Variants in RTCB observed in about 807,000 individuals in gnomAD.
RTCB encodes the protein RNA-splicing ligase RTCB.
Under a neutral mutation model 58.2 loss-of-function variants are expected in RTCB, and 32 were observed. That is an observed-to-expected ratio of 0.55 (90% CI 0.41 to 0.74). The LOEUF (loss-of-function observed/expected upper bound fraction) is 0.74, where lower values mean the gene tolerates loss of function less well. Among genes scored for constraint, RTCB ranks in the 30% least tolerant of loss-of-function variants. The pLI, the probability that RTCB is intolerant of heterozygous loss-of-function variation, is 0.00. For synonymous variants in RTCB, 247 were observed against 218.6 expected, an observed-to-expected ratio of 1.13 and a Z score of -1.15; for missense variants, 523 against 639.0, an observed-to-expected ratio of 0.82 and a Z score of 1.96.
intron 10 of RTCB, 29 bp from the exon 11 acceptor site, chr22:32,392,388 T>C (rs1362202996): frequency 1.2e-6 from 2 of 1,613,210 alleles, no homozygotes. Flanking sequence ...GAACTTTACT[T>C]TAAACCCTAA....
At chr22:32,392,516 T>C in intron 10 of RTCB, 157 bp from the exon 11 acceptor site, 2 of 979,210 alleles carry the variant, frequency 2.0e-6, no homozygotes, top group Admixed American at 2.0e-5. Context: ...CTTTTAGATT[T>C]TGGACCGGAG....
At chr22:32,400,158 C>T (rs763285884) in intron 5 of RTCB, among the ~76,000 whole-genome samples, 2 of 152,188 alleles carry the variant, frequency 1.3e-5, no homozygotes, top group East Asian at 1.9e-4. Context: ...CACTCTCTAA[C>T]GACTAATTCA....
rs772937813 is a variant in RTCB at position 32,396,122 on chromosome 22, C to G, written c.942G>C (p.Gly314=). The G allele has an allele frequency of 1.2e-6, 2 of 1,614,116 alleles. No homozygotes were observed. The highest frequency in any genetic ancestry group is 3.3e-5 in the Admixed American group (2 of 60,024). ...AAGAGCGGTTGACCCAGGCATAGTT[C>G]CCAGCAGCTGCCATTCCCTTCAGAT... ...QDYLKGMAAA[G]NYAWVNRSSM... is the part of the protein sequence containing the mutation. Residue 314 remains glycine, a synonymous_variant, in exon 8 of 12, where the codon GGG becomes GGC. Coordinates refer to ENST00000216038, the MANE Select transcript of RTCB (RefSeq NM_014306.5).
At position 32,397,544 on chromosome 22, in the gene RTCB, C is replaced by CT. The variant is rs796438305; in HGVS notation, c.814+396dup. ...TTCATCAGCAAATCCACCATCACAT[C>CT]TACTGTTGCAGAGCAGGTATATGAT... On this transcript the variant is annotated intron_variant, in intron 7 of 11. Coordinates refer to ENST00000216038, the MANE Select transcript of RTCB (RefSeq NM_014306.5). 1.1e-3 allele frequency among the ~76,000 whole-genome samples: 172 copies of CT among 152,332 alleles called. 1 individual carries two copies. Among genetic ancestry groups the CT allele is most frequent in the African/African-American group, 4.0e-3 (166 of 41,566 alleles).
chr22:32,394,110 A>G (rs1933201370), intron 9 of RTCB, 108 bp from the exon 10 acceptor site: 7 of 655,630 alleles, frequency 1.1e-5, no homozygotes, highest in Middle Eastern at 6.2e-4. Flanking sequence ...AGAAACCCAG[A>G]CTTCTTTTTT....
In RTCB at chr22:32,407,898, C is replaced by T. The variant is rs910661608; in HGVS notation, c.240+277G>A. 4 of 384,382 alleles carry T rather than the reference C, an allele frequency of 1.0e-5. No individual in the cohort carries two copies. In the Admixed American group the frequency reaches 1.6e-4, roughly 15 times the overall value. The allele number at this position is 384,382 out of a possible 1,614,324, so 23.8% of individuals were successfully genotyped here. A position where few individuals can be genotyped will look rare whatever the true frequency, so the allele number is the denominator to read the frequency against. On this transcript the variant is annotated intron_variant, in intron 3 of 11. Coordinates refer to ENST00000216038, the MANE Select transcript of RTCB (RefSeq NM_014306.5). Reference sequence around the variant, plus strand: ...CACTTAGCATTCTAAGTAGCTGGGACAACAAGCATGTGACATCACACCTGA... The same window carrying T: ...CACTTAGCATTCTAAGTAGCTGGGATAACAAGCATGTGACATCACACCTGA...
At chr22:32,392,429 A>G in intron 10 of RTCB, 70 bp from the exon 11 acceptor site, 1 of 1,600,236 alleles carries the variant, frequency 6.2e-7, no homozygotes, top group East Asian at 2.2e-5. Context: ...ATTTTCTCTC[A>G]CACTAAAAAG....
chr22:32,405,436 A>G (rs1268692341), intron 4 of RTCB, among the ~76,000 whole-genome samples: 1 of 152,132 alleles, frequency 6.6e-6, no homozygotes, highest in Non-Finnish European at 1.5e-5. Flanking sequence ...TTGAAAAAAA[A>G]TGTATACTCT....
At chr22:32,408,627 G>T in intron 2 of RTCB, 128 bp downstream of exon 2, 1 of 703,418 alleles carries the variant, frequency 1.4e-6, no homozygotes, top group Non-Finnish European at 2.5e-6. Context: ...AAGTGCTTTT[G>T]GTCTTACTTT....
intron 11 of RTCB, among the ~76,000 whole-genome samples, chr22:32,389,914 G>A (rs930382404): frequency 6.6e-6 from 1 of 152,006 alleles, no homozygotes; most frequent in Non-Finnish European, 1.5e-5. Context: ...TCTCCCTCTG[G>A]CTTGCTCTTG....
At chr22:32,395,636 T>C (rs370259282) in intron 8 of RTCB, among the ~76,000 whole-genome samples, 11 of 152,240 alleles carry the variant, frequency 7.2e-5, no homozygotes, top group Admixed American at 7.2e-4. Context: ...TCTGGTATTT[T>C]GAAAGTTAAC....
chr22:32,394,984 C>T lies in RTCB; in HGVS notation c.1179+42G>A, dbSNP rs139153787. On this transcript the variant is annotated intron_variant, in intron 9 of 11. Transcript: ENST00000216038. ...AATTCACATTTGCAACAATCTAAATCGTGCCCCCACTGCTTAAAACTACAA... is the reference window on the plus strand; with the variant it reads ...AATTCACATTTGCAACAATCTAAATTGTGCCCCCACTGCTTAAAACTACAA... 4 of 1,512,136 alleles carry T rather than the reference C, an allele frequency of 2.6e-6. No homozygotes were observed. In the East Asian group the frequency reaches 6.9e-5, roughly 26 times the overall value. 93.7% of individuals were successfully genotyped at this position (1,512,136 alleles called of 1,614,324 possible). A position where few individuals can be genotyped will look rare whatever the true frequency, so the allele number is the denominator to read the frequency against.
chr22:32,390,282 A>AT lies in RTCB; in HGVS notation c.1410+1957dup, dbSNP rs1239844865. 7.9e-5 allele frequency among the ~76,000 whole-genome samples: 12 copies of AT among 152,338 alleles called. 1 individual carries two copies. Among genetic ancestry groups the AT allele is most frequent in the African/African-American group, 2.9e-4 (12 of 41,572 alleles). ...CTAGCATATAGAACAGTACCTAACT[A>AT]TAGCGGATGGTTAGTACGTGTTAGC... On this transcript the variant is annotated intron_variant, in intron 11 of 11. Transcript: ENST00000216038.
At chr22:32,388,467 C>A (rs1483836042) in intron 11 of RTCB, among the ~76,000 whole-genome samples, 25 of 152,094 alleles carry the variant, frequency 1.6e-4, no homozygotes, top group Non-Finnish European at 2.9e-5. Flanking sequence ...GAATTACTGG[C>A]AATTTTAATT....
intron 7 of RTCB, 28 bp from the exon 8 acceptor site, chr22:32,396,277 C>A (rs1161694135): frequency 1.2e-6 from 2 of 1,609,322 alleles, no homozygotes. Context: ...AAGTCCAAAC[C>A]AGTTAGCTTT....
intron 4 of RTCB, among the ~76,000 whole-genome samples, chr22:32,403,348 A>G (rs964490146): frequency 1.3e-5 from 2 of 152,052 alleles, no homozygotes; most frequent in Non-Finnish European, 1.5e-5. Context: ...CGGAGCTTGC[A>G]GTGAGCCAAG....
intron 11 of RTCB, among the ~76,000 whole-genome samples, chr22:32,391,834 C>T (rs1181135690): frequency 2.0e-5 from 3 of 152,110 alleles, no homozygotes; most frequent in African/African-American, 7.2e-5. Context: ...AACATATATA[C>T]AGAATTTAAA....
intron 4 of RTCB, among the ~76,000 whole-genome samples, chr22:32,402,443 A>AT (rs1325012765): frequency 6.6e-6 from 1 of 152,160 alleles, no homozygotes; most frequent in African/African-American, 2.4e-5. Context: ...AATTTTAGAC[A>AT]TAAGTACTTT....
At chr22:32,404,875 G>A (rs1381681816) in intron 4 of RTCB, among the ~76,000 whole-genome samples, 2 of 151,300 alleles carry the variant, frequency 1.3e-5, no homozygotes, top group African/African-American at 4.9e-5. Flanking sequence ...TTTTAGAGAC[G>A]GGGTTTTGTC....
Sources: allele counts gnomAD v4.1 joint callset (sites outside exome capture counted in the v4.1 genomes callset), GRCh38; gene constraint gnomAD v4.1.1; transcripts MANE v1.5; gene names NCBI Gene and HGNC (gene_info 2026-07-23, HGNC 2026-07-21).